Variants in AAMDC observed in about 807,000 individuals in gnomAD.
AAMDC encodes mth938 domain-containing protein.
Under a neutral mutation model 15.5 loss-of-function variants are expected in AAMDC, and 16 were observed. That is an observed-to-expected ratio of 1.03 (90% CI 0.70 to 1.57). The LOEUF (loss-of-function observed/expected upper bound fraction) is 1.57, where lower values mean the gene tolerates loss of function less well. AAMDC is among the 40% of genes most tolerant of loss of function. AAMDC has a pLI of 0.00. For synonymous variants in AAMDC, 51 were observed against 51.6 expected, an observed-to-expected ratio of 0.99 and a Z score of 0.05; for missense variants, 141 against 144.9, an observed-to-expected ratio of 0.97 and a Z score of 0.14.
downstream of AAMDC, chr11:77,903,610 T>C (rs1353399223): frequency 1.2e-6 from 2 of 1,613,532 alleles, no homozygotes; most frequent in Admixed American, 1.7e-5. Flanking sequence ...CCACAACTTT[T>C]CCTGCAAGGC....
intron 5 of AAMDC, among the ~76,000 whole-genome samples, chr11:77,880,313 G>A (rs1195556816): frequency 6.6e-6 from 1 of 152,182 alleles, no homozygotes; most frequent in Non-Finnish European, 1.5e-5. Flanking sequence ...ATGGGTCAGA[G>A]TAGAGACTGG....
At chr11:77,863,877 TA>T (rs1422073471) in intron 2 of AAMDC, among the ~76,000 whole-genome samples, 4 of 152,172 alleles carry the variant, frequency 2.6e-5, no homozygotes, top group Non-Finnish European at 5.9e-5. Context: ...ATTAAAATTT[TA>T]AAGTCAGCAA....
At chr11:77,867,575 G>T (rs1951175610) in intron 2 of AAMDC, among the ~76,000 whole-genome samples, 1 of 152,228 alleles carries the variant, frequency 6.6e-6, no homozygotes, top group South Asian at 2.1e-4. Flanking sequence ...CTGGATGAAT[G>T]AATGAAAGGA....
intron 5 of AAMDC, among the ~76,000 whole-genome samples, chr11:77,896,871 G>A (rs1471031042): frequency 8.0e-5 from 12 of 150,560 alleles, no homozygotes; most frequent in African/African-American, 2.4e-4. Flanking sequence ...AGATCAGCAA[G>A]AATATTGAAA....
intron 1 of AAMDC, among the ~76,000 whole-genome samples, chr11:77,823,621 CAA>C (rs397970373): frequency 5.1e-5 from 5 of 97,642 alleles, no homozygotes; most frequent in East Asian, 3.0e-4. Context: ...CACCCTGTCT[CAA>C]AAAAAAAAAA....
downstream of AAMDC, among the ~76,000 whole-genome samples, chr11:77,873,963 C>T (rs1038590819): frequency 2.0e-5 from 3 of 152,146 alleles, no homozygotes; most frequent in African/African-American, 7.2e-5. Context: ...CACCTGACTA[C>T]GTAGTTAGTT....
intron 2 of AAMDC, among the ~76,000 whole-genome samples, chr11:77,868,303 C>T (rs1951219690): frequency 1.3e-5 from 2 of 151,758 alleles, no homozygotes; most frequent in East Asian, 1.9e-4. Context: ...GATCCACCCG[C>T]CTCAGCCTCC....
intron 1 of AAMDC, among the ~76,000 whole-genome samples, chr11:77,841,586 C>T (rs1253277024): frequency 6.6e-6 from 1 of 152,186 alleles, no homozygotes; most frequent in African/African-American, 2.4e-5. Flanking sequence ...CTGCAAGGCC[C>T]TCTTGAACCT....
chr11:77,883,897 C>T (rs748648093), intron 5 of AAMDC: 23 of 1,612,990 alleles, frequency 1.4e-5, no homozygotes, highest in East Asian at 1.1e-4. Context: ...GCCAGGATTC[C>T]GGAAGTCTGC....
Position 77,882,224 on chromosome 11 carries a change from T to C in AAMDC, c.328+5175T>C, listed in dbSNP as rs183145362. Among the ~76,000 whole-genome samples the C allele has an allele frequency of 3.3e-3, 498 of 152,186 alleles. 7 individuals carry two copies. Among genetic ancestry groups the C allele is most frequent in the Non-Finnish European group, 4.4e-4 (30 of 68,008 alleles). On this transcript the variant is annotated intron_variant, in intron 5 of 5. Transcript: ENST00000304716. Reference sequence around the variant, plus strand: ...AGGCCTGGCTGTGATCTTGTATAAGTTAAAATTATTCAGGCTCAGGATCGC... The same window carrying C: ...AGGCCTGGCTGTGATCTTGTATAAGCTAAAATTATTCAGGCTCAGGATCGC...
chr11:77,872,399 C>T (rs1282317663), downstream of AAMDC: 3 of 1,478,168 alleles, frequency 2.0e-6, no homozygotes, highest in South Asian at 1.4e-5. Context: ...CTCCCCTAAA[C>T]ATTTTTGGAC....
chr11:77,904,096 T>G (rs568767945), downstream of AAMDC, among the ~76,000 whole-genome samples: 6 of 152,312 alleles, frequency 3.9e-5, no homozygotes, highest in Non-Finnish European at 7.4e-5. Context: ...TTTCCTAGAT[T>G]TCTCCCTCTT....
downstream of AAMDC, among the ~76,000 whole-genome samples, chr11:77,872,674 G>A (rs779786347): frequency 2.6e-5 from 4 of 152,116 alleles, no homozygotes; most frequent in African/African-American, 4.8e-5. Flanking sequence ...TAGGCCAGGC[G>A]CCATGGCTCA....
At chr11:77,877,124 C>T (rs533339353), downstream of AAMDC, 12 of 680,200 alleles carry the variant, frequency 1.8e-5, no homozygotes, top group African/African-American at 3.5e-5. Flanking sequence ...CTCATGACCT[C>T]GTGGAAATAG....
rs552532964 is a variant in AAMDC, at chr11:77,878,138, A to G, written c.328+1089A>G. ...AGCATTTTGGGAGGCCAAGGTGGGC[A>G]GATCACGAGGTCAGGAGATCAAGAC... On this transcript the variant is annotated intron_variant, in intron 5 of 5. Coordinates refer to the AAMDC transcript ENST00000304716. Among the ~76,000 whole-genome samples the G allele has an allele frequency of 2.7e-3, 413 of 152,240 alleles. 6 individuals are homozygous for G. In the South Asian group the frequency reaches 0.033, roughly 12 times the overall value.
At chr11:77,873,847 C>T (rs1466594895), downstream of AAMDC, among the ~76,000 whole-genome samples, 2 of 152,184 alleles carry the variant, frequency 1.3e-5, no homozygotes, top group African/African-American at 4.8e-5. Context: ...TAGACATTTA[C>T]TAGGTATGGT....
intron 2 of AAMDC, among the ~76,000 whole-genome samples, chr11:77,846,337 A>G (rs1425963546): frequency 6.6e-6 from 1 of 152,166 alleles, no homozygotes; most frequent in Non-Finnish European, 1.5e-5. Flanking sequence ...ATCAGTATCC[A>G]GCTGGGCATG....
intron 1 of AAMDC, among the ~76,000 whole-genome samples, chr11:77,840,606 C>T (rs1264713301): frequency 1.3e-5 from 2 of 151,934 alleles, no homozygotes; most frequent in Non-Finnish European, 2.9e-5. Context: ...ACTGGGTATC[C>T]CTATGTTACC....
intron 2 of AAMDC, chr11:77,850,884 T>G (rs1475176921): frequency 6.6e-6 from 1 of 151,750 alleles, no homozygotes; most frequent in Non-Finnish European, 1.5e-5. Flanking sequence ...CCTAAGGACA[T>G]GAATATTCTC....
Sources: gnomAD v4.1 joint callset for allele counts (sites outside exome capture counted in the v4.1 genomes callset) on GRCh38, gnomAD v4.1.1 for gene constraint, MANE v1.5 for transcripts, NCBI Gene and HGNC (gene_info 2026-07-23, HGNC 2026-07-21) for gene names.